Variants in ZNF251 observed in about 807,000 individuals in gnomAD.
The protein encoded by ZNF251 is zinc finger protein 251.
ZNF251 carries 14 observed loss-of-function variants against 13.5 expected under a neutral mutation model. That is an observed-to-expected ratio of 1.04 (90% CI 0.69 to 1.63). ZNF251 has a LOEUF of 1.63. Ranked by LOEUF, ZNF251 falls within the 40% of genes most tolerant of loss-of-function variation. The pLI is 0.00. For synonymous variants in ZNF251, 287 were observed against 295.2 expected (o/e 0.97, Z 0.28); for missense variants, 764 against 834.9 (o/e 0.92, Z 1.05).
Position 144,721,631 on chromosome 8 carries a change from T to C in ZNF251, c.*13A>G. On this transcript the variant is annotated 3_prime_UTR_variant, in exon 5 of 5. Coordinates refer to ENST00000292562, the MANE Select transcript of ZNF251 (RefSeq NM_138367.2). ...AGTGAACAGTTGCTAAACTGTCTTC[T>C]GCATTTATCACATTAAAAATGTCTT... The C allele has an allele frequency of 7.5e-7, 1 of 1,332,368 alleles. No homozygotes were observed. The highest frequency in any genetic ancestry group is 9.7e-7 in the Non-Finnish European group (1 of 1,031,280). 82.5% of individuals were successfully genotyped at this position (1,332,368 alleles called of 1,614,324 possible).
intron 4 of ZNF251, among the ~76,000 whole-genome samples, chr8:144,731,882 C>T (rs944234944): frequency 3.3e-5 from 5 of 151,504 alleles, no homozygotes; most frequent in Admixed American, 6.6e-5. Context: ...GTCACCATGC[C>T]CGGCCCAATA....
chr8:144,749,000 C>A (rs1250928187), intron 4 of ZNF251, among the ~76,000 whole-genome samples: 1 of 151,930 alleles, frequency 6.6e-6, no homozygotes, highest in Non-Finnish European at 1.5e-5. Flanking sequence ...GACCTGATCT[C>A]TACAAAAATA....
intron 4 of ZNF251, among the ~76,000 whole-genome samples, chr8:144,749,038 A>AC (rs1442408533): frequency 1.3e-5 from 2 of 152,222 alleles, no homozygotes; most frequent in Admixed American, 1.3e-4. Flanking sequence ...GGTGACATGC[A>AC]CCTGTAGTCC....
At chr8:144,738,657 CA>C (rs1563763087) in intron 4 of ZNF251, 5 of 985,426 alleles carry the variant, frequency 5.1e-6, no homozygotes, top group Non-Finnish European at 4.8e-6. Context: ...CTCAGTCAGG[CA>C]AGTGGAAACA....
chr8:144,742,703 T>C (rs958616520), intron 4 of ZNF251, among the ~76,000 whole-genome samples: 2 of 152,292 alleles, frequency 1.3e-5, no homozygotes, highest in South Asian at 4.1e-4. Context: ...GCACTGCTGA[T>C]CTTTTTGCTG....
intron 4 of ZNF251, among the ~76,000 whole-genome samples, chr8:144,727,778 T>C (rs1354918728): frequency 6.6e-6 from 1 of 152,174 alleles, no homozygotes; most frequent in Non-Finnish European, 1.5e-5. Flanking sequence ...TTCACCAGAA[T>C]AGCACTCCCA....
At chr8:144,740,846 T>C (rs1405667623) in intron 4 of ZNF251, among the ~76,000 whole-genome samples, 1 of 151,478 alleles carries the variant, frequency 6.6e-6, no homozygotes, top group Non-Finnish European at 1.5e-5. Context: ...GGCAGGAGAA[T>C]CACTTGAACC....
chr8:144,740,023 C>T (rs918119378), intron 4 of ZNF251, among the ~76,000 whole-genome samples: 2 of 151,644 alleles, frequency 1.3e-5, no homozygotes, highest in African/African-American at 2.4e-5. Flanking sequence ...CCATGGCTCA[C>T]GCCTGTAATC....
chr8:144,755,281 G>C (rs1339726140), intron 1 of ZNF251, 124 bp downstream of exon 1: 61 of 1,195,488 alleles, frequency 5.1e-5, no homozygotes, highest in Non-Finnish European at 6.1e-5. Context: ...GCAGCCCGTC[G>C]GTGGCTCCCG....
At chr8:144,731,358 T>C (rs1823689339) in intron 4 of ZNF251, among the ~76,000 whole-genome samples, 1 of 152,232 alleles carries the variant, frequency 6.6e-6, no homozygotes, top group Admixed American at 6.5e-5. Context: ...TGTGTACCGA[T>C]GGAACTTTCT....
At chr8:144,731,901 AG>A (rs765857869) in intron 4 of ZNF251, among the ~76,000 whole-genome samples, 11 of 149,938 alleles carry the variant, frequency 7.3e-5, no homozygotes, top group Non-Finnish European at 1.6e-4. Flanking sequence ...TAATTTTAAA[AG>A]TAAAAATAAA....
intron 4 of ZNF251, among the ~76,000 whole-genome samples, chr8:144,740,846 T>A (rs1405667623): frequency 6.6e-6 from 1 of 151,478 alleles, no homozygotes; most frequent in Non-Finnish European, 1.5e-5. Context: ...GGCAGGAGAA[T>A]CACTTGAACC....
chr8:144,741,941 T>A (rs1437498260), intron 4 of ZNF251, among the ~76,000 whole-genome samples: 2 of 152,034 alleles, frequency 1.3e-5, no homozygotes, highest in Non-Finnish European at 2.9e-5. Flanking sequence ...GAAATAATGG[T>A]CAAAAATTTC....
intron 4 of ZNF251, among the ~76,000 whole-genome samples, chr8:144,724,494 C>A (rs1229416476): frequency 6.6e-6 from 1 of 151,910 alleles, no homozygotes; most frequent in Non-Finnish European, 1.5e-5. Flanking sequence ...CTGTGCCTAG[C>A]CAAAATATAA....
chr8:144,723,688 G>A (rs889082590), intron 4 of ZNF251, among the ~76,000 whole-genome samples: 1 of 152,130 alleles, frequency 6.6e-6, no homozygotes, highest in Admixed American at 6.6e-5. Context: ...TATACAGGAA[G>A]GTAAATATAG....
At position 144,722,797 on chromosome 8, in the gene ZNF251, G is replaced by A; in HGVS notation, c.863C>T (p.Thr288Ile). ...ACCACAGCCAAAGGGTTTTTCTCCA[G>A]TGTGAATTCTCCGATGAAGACGGAG... The part of the protein sequence containing the change: ...SHLRLHRRIH[T>I]GEKPFGCGEC... The change falls in exon 5 of 5, where the codon ACT becomes ATT. Residue 288 changes from threonine (T) to isoleucine (I), a missense_variant. Transcript: ENST00000292562. The surrounding 1 kb of genome is among the most constrained non-coding windows in gnomAD (Gnocchi z 4.8). The A allele has an allele frequency of 1.2e-6, 2 of 1,614,118 alleles. No individual in the cohort carries two copies. Among genetic ancestry groups the A allele is most frequent in the Non-Finnish European group, 1.7e-6 (2 of 1,179,938 alleles).
At position 144,754,447 on chromosome 8, in the gene ZNF251, G is replaced by A. The variant is rs1285804462; in HGVS notation, c.34-126C>T. 5 of 1,446,662 alleles carry A rather than the reference G, an allele frequency of 3.5e-6. No individual in the cohort carries two copies. In the African/African-American group the frequency reaches 5.7e-5, roughly 17 times the overall value. 89.6% of individuals were successfully genotyped at this position (1,446,662 alleles called of 1,614,324 possible). ...TGTGGTCAGTATGAACTGTGTATCA[G>A]CAGGTCCCTGATGGGGCAGCTGAGA... On this transcript the variant is annotated intron_variant, in intron 2 of 4. Coordinates refer to ENST00000292562, the MANE Select transcript of ZNF251 (RefSeq NM_138367.2).
At chr8:144,726,746 TG>T (rs1403430692) in intron 4 of ZNF251, among the ~76,000 whole-genome samples, 2 of 151,896 alleles carry the variant, frequency 1.3e-5, no homozygotes, top group African/African-American at 4.8e-5. Flanking sequence ...GGCAGGTGCC[TG>T]TAGTCCCAGC....
At chr8:144,743,815 C>G (rs927616225) in intron 4 of ZNF251, among the ~76,000 whole-genome samples, 4 of 152,168 alleles carry the variant, frequency 2.6e-5, no homozygotes, top group Admixed American at 6.5e-5. Flanking sequence ...TGACATTGAT[C>G]TTCTCACAAT....
Sources: gnomAD v4.1 joint callset for allele counts (sites outside exome capture counted in the v4.1 genomes callset) on GRCh38, gnomAD v4.1.1 for gene constraint, Gnocchi (gnomAD v3.1) non-coding constraint, MANE v1.5 for transcripts, NCBI Gene and HGNC (gene_info 2026-07-23, HGNC 2026-07-21) for gene names.